RGS7: variants seen among roughly 807,000 people sequenced by gnomAD.
RGS7 encodes regulator of G-protein signaling 7.
A neutral mutation model predicts 81.1 loss-of-function variants in RGS7; 27 were observed. The ratio of observed to expected loss-of-function variants is 0.33; its 90% CI spans 0.25 to 0.46. The LOEUF (loss-of-function observed/expected upper bound fraction) is 0.46. RGS7 is among the 20% of genes least tolerant of loss of function. RGS7 has a pLI of 1.00. For missense variants in RGS7, 396 were observed against 607.4 expected (o/e 0.65, Z 3.66); for synonymous variants, 208 against 207.7 (o/e 1.00, Z -0.01).
chr1:241,348,875 A>G (rs2083067291), intron 2 of RGS7, among the ~76,000 whole-genome samples: 1 of 152,228 alleles, frequency 6.6e-6, no homozygotes, highest in African/African-American at 2.4e-5. Context: ...TTATCTTACC[A>G]GAAAAATATG....
intron 6 of RGS7, chr1:240,920,482 G>A (rs1673332543): frequency 7.3e-6 from 7 of 964,574 alleles, no homozygotes; most frequent in East Asian, 4.8e-5. Flanking sequence ...CCCATGAAGC[G>A]AGGAAACTTT....
chr1:240,929,922 C>G (rs1268196327), intron 6 of RGS7, among the ~76,000 whole-genome samples: 2 of 152,220 alleles, frequency 1.3e-5, no homozygotes, highest in Non-Finnish European at 2.9e-5. Flanking sequence ...ATCCTATTTT[C>G]CCATCTAGCC....
intron 9 of RGS7, among the ~76,000 whole-genome samples, chr1:240,832,084 T>G (rs1405526721): frequency 6.6e-6 from 1 of 152,216 alleles, no homozygotes; most frequent in African/African-American, 2.4e-5. Context: ...ATCATCTTTT[T>G]GATGCATATA....
chr1:241,080,331 C>T lies in RGS7; in HGVS notation c.175+18335G>A, dbSNP rs114079931. On this transcript the variant is annotated intron_variant, in intron 3 of 18. Transcript: ENST00000440928. ...AAAGAGTGTAAAAGGCTATAAGGTA[C>T]CTTGAGAATGTAGAAAATAATTATT... Among the ~76,000 whole-genome samples, 55 of 150,446 alleles carry T rather than the reference C, an allele frequency of 3.7e-4. 1 individual carries two copies. The Middle Eastern group carries it at 0.01, about 28-fold the overall frequency.
At chr1:241,088,045 TATATATATATACACACAC>T (rs1299529509) in intron 3 of RGS7, among the ~76,000 whole-genome samples, 4 of 87,850 alleles carry the variant, frequency 4.6e-5, no homozygotes, top group African/African-American at 3.2e-4. Context: ...TATACACACA[TATATATATATACACACAC>T]ACACATATAT....
At chr1:241,100,237 C>A (rs532375705) in intron 2 of RGS7, among the ~76,000 whole-genome samples, 2 of 151,554 alleles carry the variant, frequency 1.3e-5, no homozygotes, top group Non-Finnish European at 1.5e-5. Context: ...TAGCCGGGCG[C>A]GGTGGCAGGC....
intron 2 of RGS7, among the ~76,000 whole-genome samples, chr1:241,217,325 A>T (rs2074629191): frequency 6.6e-6 from 1 of 152,136 alleles, no homozygotes; most frequent in Admixed American, 6.5e-5. Context: ...AGGTTTCAGA[A>T]CTGTGAGAAA....
rs1261937730 is a variant in RGS7, at chr1:240,775,666, G to T, written c.*554C>A. 6.2e-6 allele frequency: 1 copy of T among 161,458 alleles called. No homozygotes were observed. Among genetic ancestry groups the T allele is most frequent in the Non-Finnish European group, 1.4e-5 (1 of 72,380 alleles). 10.0% of individuals were successfully genotyped at this position (161,458 alleles called of 1,614,324 possible). On this transcript the variant is annotated 3_prime_UTR_variant, in exon 19 of 19. Transcript: ENST00000440928. ...AATGCGAGAAACATTAACGGAGAAT[G>T]TACAGACAACAGACGAAGACATGAG... is the stretch of plus-strand genomic sequence containing the variant.
At chr1:241,322,885 C>A (rs186796586) in intron 2 of RGS7, among the ~76,000 whole-genome samples, 217 of 152,034 alleles carry the variant, frequency 1.4e-3, no homozygotes, top group African/African-American at 5.0e-3. Flanking sequence ...ACATAAAGGA[C>A]AAATAAAAAT....
intron 2 of RGS7, among the ~76,000 whole-genome samples, chr1:241,249,947 A>AAT (rs2076748539): frequency 2.5e-5 from 3 of 121,996 alleles, no homozygotes; most frequent in Non-Finnish European, 5.8e-5. Context: ...TTAAAAAAGG[A>AAT]ATATATATAG....
intron 4 of RGS7, among the ~76,000 whole-genome samples, chr1:240,953,252 TG>T (rs2148444004): frequency 6.6e-6 from 1 of 152,028 alleles, no homozygotes; most frequent in Admixed American, 6.5e-5. Context: ...TGATATAAAT[TG>T]ACATTTATAT....
intron 3 of RGS7, among the ~76,000 whole-genome samples, chr1:241,056,785 T>A (rs2061497569): frequency 6.6e-6 from 1 of 152,338 alleles, no homozygotes; most frequent in South Asian, 2.1e-4. Context: ...AAAGAATAAA[T>A]AGTTATTACT....
intron 4 of RGS7, among the ~76,000 whole-genome samples, chr1:240,951,286 C>CA (rs548310975): frequency 9.1e-4 from 139 of 152,004 alleles, no homozygotes; most frequent in African/African-American, 3.2e-3. Context: ...TGTGAAGAGG[C>CA]AAAACAACAA....
chr1:241,335,874 A>C (rs11803606), intron 2 of RGS7, among the ~76,000 whole-genome samples: 40,086 of 151,888 alleles, frequency 0.26, 6,776 homozygotes, highest in African/African-American at 0.48. Flanking sequence ...GGGAGATATT[A>C]AAAACTGTCT....
intron 2 of RGS7, among the ~76,000 whole-genome samples, chr1:241,111,689 G>A (rs984271626): frequency 2.6e-5 from 4 of 152,062 alleles, no homozygotes; most frequent in African/African-American, 7.2e-5. Context: ...TCACAGACTC[G>A]TTTCCAGATA....
At chr1:240,805,221 A>G (rs1688653425) in intron 15 of RGS7, among the ~76,000 whole-genome samples, 2 of 151,584 alleles carry the variant, frequency 1.3e-5, no homozygotes, top group South Asian at 4.2e-4. Context: ...TCTACAAAAA[A>G]AAATAAAAAA....
At chr1:241,123,443 G>T (rs2066428229) in intron 2 of RGS7, among the ~76,000 whole-genome samples, 3 of 152,078 alleles carry the variant, frequency 2.0e-5, no homozygotes, top group African/African-American at 7.2e-5. Context: ...TCACTCAAAG[G>T]CTCAGGGGCA....
intron 2 of RGS7, among the ~76,000 whole-genome samples, chr1:241,221,072 A>AAAGGAAGGAAGGAAGG (rs1330807084): frequency 7.3e-6 from 1 of 137,508 alleles, no homozygotes. Flanking sequence ...AGAGAGAGAG[A>AAAGGAAGGAAGGAAGG]AAGGAAGGAA....
intron 2 of RGS7, among the ~76,000 whole-genome samples, chr1:241,113,530 A>G (rs933069144): frequency 6.6e-6 from 1 of 152,202 alleles, no homozygotes; most frequent in African/African-American, 2.4e-5. Flanking sequence ...TAAAGAAAAA[A>G]TTAAAATACT....
Sources: allele counts gnomAD v4.1 joint callset (sites outside exome capture counted in the v4.1 genomes callset), GRCh38; gene constraint gnomAD v4.1.1; transcripts MANE v1.5; gene names NCBI Gene and HGNC (gene_info 2026-07-23, HGNC 2026-07-21).